Variants in RYR3 observed in about 807,000 individuals in gnomAD.
The protein encoded by RYR3 is ryanodine receptor 3, also known as brain ryanodine receptor-calcium release channel.
In RYR3, 207 loss-of-function variants were observed where a neutral mutation model predicts 584.3. The ratio of observed to expected loss-of-function variants is 0.35; its 90% CI spans 0.32 to 0.40. The LOEUF (loss-of-function observed/expected upper bound fraction) is 0.40. RYR3 is among the 10% of genes least tolerant of loss of function. The pLI is 1.00. For missense variants in RYR3, 5,616 were observed against 6,089.2 expected (o/e 0.92, Z 2.59); for synonymous variants, 2,416 against 2,248.5 (o/e 1.07, Z -2.11).
chr15:33,702,040 A>G (rs2066343311), intron 42 of RYR3, among the ~76,000 whole-genome samples: 2 of 152,168 alleles, frequency 1.3e-5, no homozygotes, highest in Admixed American at 1.3e-4. Context: ...CTTCCCACAA[A>G]TGAACTCACG....
At chr15:33,697,336 G>A (rs552605234) in intron 39 of RYR3, among the ~76,000 whole-genome samples, 2 of 152,290 alleles carry the variant, frequency 1.3e-5, no homozygotes, top group East Asian at 1.9e-4. Flanking sequence ...CCCAGCCTTC[G>A]TAGTAGACAT....
chr15:33,722,439 C>T (rs2068005805), intron 43 of RYR3: 2 of 461,670 alleles, frequency 4.3e-6, no homozygotes, highest in African/African-American at 4.1e-5. Flanking sequence ...CCCAATTTAT[C>T]AAAGCCACCT....
At chr15:33,385,700 T>TTC (rs1567139195) in intron 1 of RYR3, among the ~76,000 whole-genome samples, 1 of 74,146 alleles carries the variant, frequency 1.3e-5, no homozygotes, top group East Asian at 2.9e-4. Flanking sequence ...TTTTTTTTTC[T>TTC]TTTTCTTTTC....
rs755255789 is a variant in RYR3 at position 33,810,604 on chromosome 15, A to G, written c.10152A>G (p.Pro3384=). ...CCATTGGTTTGAATATGTGTACTCC[A>G]GGCGACCAGGAGCTGATCTCCCTCG... ...MLPIGLNMCT[P]GDQELISLAK... The change falls in exon 71 of 104, where the codon CCA becomes CCG. Residue 3384 remains proline (P), a synonymous_variant. Coordinates refer to ENST00000634891, the MANE Select transcript of RYR3 (RefSeq NM_001036.6). The G allele has an allele frequency of 1.9e-6, 3 of 1,614,044 alleles. No individual in the cohort carries two copies. Among genetic ancestry groups the G allele is most frequent in the South Asian group, 2.2e-5 (2 of 91,084 alleles).
Position 33,865,320 on chromosome 15 carries a change from C to CAGCAACATATCTGAAATGTGAA in RYR3, c.*95_*96insGCAACATATCTGAAATGTGAAA. On this transcript the variant is annotated 3_prime_UTR_variant, in exon 104 of 104. Coordinates refer to ENST00000634891, the MANE Select transcript of RYR3 (RefSeq NM_001036.6). ...GTTCTGCAACATATCTGAAATGTGA[C>CAGCAACATATCTGAAATGTGAA]ATTTTCTAAATGCCTCCCTTAAAAA... is the stretch of plus-strand genomic sequence containing the variant. 1 of 841,478 alleles carries CAGCAACATATCTGAAATGTGAA rather than the reference C, an allele frequency of 1.2e-6. No individual in the cohort carries two copies. Among genetic ancestry groups the CAGCAACATATCTGAAATGTGAA allele is most frequent in the African/African-American group, 1.7e-5 (1 of 58,172 alleles). 52.1% of individuals were successfully genotyped at this position (841,478 alleles called of 1,614,324 possible).
intron 1 of RYR3, among the ~76,000 whole-genome samples, chr15:33,447,946 C>A (rs148645928): frequency 0.02 from 3,012 of 152,126 alleles, 51 homozygotes; most frequent in Non-Finnish European, 0.025. Context: ...AGTTGGGTCC[C>A]CCAAATTGGA....
intron 1 of RYR3, among the ~76,000 whole-genome samples, chr15:33,352,596 A>G (rs973747948): frequency 1.3e-5 from 2 of 152,164 alleles, no homozygotes; most frequent in African/African-American, 4.8e-5. Flanking sequence ...GCTCATTATC[A>G]GCTGCGTGGC....
intron 1 of RYR3, among the ~76,000 whole-genome samples, chr15:33,389,034 A>C (rs537854744): frequency 7.9e-5 from 11 of 139,708 alleles, no homozygotes; most frequent in African/African-American, 1.9e-4. Flanking sequence ...CAATGAGAAC[A>C]CATGGACACA....
intron 1 of RYR3, chr15:33,467,589 C>A: frequency 2.3e-6 from 1 of 426,196 alleles, no homozygotes; most frequent in Non-Finnish European, 3.1e-6. Flanking sequence ...TTGACTTTGT[C>A]AGAGATGACC....
intron 17 of RYR3, 25 bp from the exon 18 acceptor site, chr15:33,603,098 G>A: frequency 3.1e-6 from 5 of 1,610,648 alleles, no homozygotes; most frequent in Non-Finnish European, 4.2e-6. Flanking sequence ...GTGTGTAGAT[G>A]CCACTTGCCC....
chr15:33,728,521 C>T (rs1014421922), intron 46 of RYR3, among the ~76,000 whole-genome samples: 1 of 152,216 alleles, frequency 6.6e-6, no homozygotes, highest in African/African-American at 2.4e-5. Flanking sequence ...ATTGAGTATT[C>T]CTTATCCTAA....
chr15:33,838,921 C>A lies in RYR3; in HGVS notation c.12941C>A (p.Thr4314Lys). ...ATTATTGGCAAGGATGAACCCCCTA[C>A]ATTAGAGAGTACTGTACAGAAGAAG... ...SEIIGKDEPP[T>K]LESTVQKKRK... Residue 4314 changes from threonine to lysine, a missense_variant, in exon 89 of 104, where the codon ACA becomes AAA. Thr to Lys is a moderately conservative substitution (Grantham distance 78, BLOSUM62 -1). Around this residue, in one of 9 missense-constraint regions of RYR3, gnomAD observed 918 missense variants for 887.4 expected, o/e 1.03. Transcript: ENST00000634891. The A allele has an allele frequency of 6.2e-7, 1 of 1,613,690 alleles. No individual in the cohort carries two copies. The highest frequency in any genetic ancestry group is 8.5e-7 in the Non-Finnish European group (1 of 1,179,738).
intron 52 of RYR3, among the ~76,000 whole-genome samples, chr15:33,744,624 C>T (rs1357859578): frequency 1.3e-5 from 2 of 152,182 alleles, no homozygotes; most frequent in East Asian, 3.8e-4. Context: ...GAGTTGGTGA[C>T]ATCTACAGCA....
chr15:33,550,778 C>G (rs556513630), intron 10 of RYR3, among the ~76,000 whole-genome samples: 1 of 152,128 alleles, frequency 6.6e-6, no homozygotes, highest in South Asian at 2.1e-4. Context: ...AGTTTCAGTG[C>G]TATATTTGTT....
At chr15:33,362,930 T>C (rs1374046564) in intron 1 of RYR3, among the ~76,000 whole-genome samples, 1 of 152,182 alleles carries the variant, frequency 6.6e-6, no homozygotes, top group Non-Finnish European at 1.5e-5. Context: ...TGTTCTGCCA[T>C]GTGATGGCAG....
chr15:33,373,031 C>T (rs1258315767), intron 1 of RYR3, among the ~76,000 whole-genome samples: 1 of 152,228 alleles, frequency 6.6e-6, no homozygotes, highest in African/African-American at 2.4e-5. Flanking sequence ...GACACCATCT[C>T]ATACTTCTCA....
chr15:33,694,609 G>A (rs966095186), intron 38 of RYR3, among the ~76,000 whole-genome samples: 2 of 152,114 alleles, frequency 1.3e-5, no homozygotes, highest in African/African-American at 4.8e-5. Flanking sequence ...ATATACATGT[G>A]AATTAACCAG....
rs985894183 is a variant in RYR3 at position 33,564,615 on chromosome 15, T to C, written c.1146+1605T>C. Among the ~76,000 whole-genome samples, 14 of 152,306 alleles carry C rather than the reference T, an allele frequency of 9.2e-5. 1 individual carries two copies. Among genetic ancestry groups the C allele is most frequent in the Middle Eastern group, 3.4e-3 (1 of 294 alleles). ...AGCCTCTACAGTTTTTCAAACCTAC[T>C]AAGGCAATGGCAGCATTTAAAGAAA... On this transcript the variant is annotated intron_variant, in intron 11 of 103. Coordinates refer to ENST00000634891, the MANE Select transcript of RYR3 (RefSeq NM_001036.6).
chr15:33,846,672 TG>T (rs1414547910), intron 93 of RYR3, among the ~76,000 whole-genome samples: 3 of 152,334 alleles, frequency 2.0e-5, no homozygotes, highest in Non-Finnish European at 4.4e-5. Context: ...CCTTATGCCC[TG>T]GGCTACACTA....
Sources: allele counts gnomAD v4.1 joint callset (sites outside exome capture counted in the v4.1 genomes callset), GRCh38; gene constraint gnomAD v4.1.1; regional missense constraint gnomAD v4.1.1; transcripts MANE v1.5; gene names NCBI Gene and HGNC (gene_info 2026-07-23, HGNC 2026-07-21).